Variants in CYB5R4 observed in about 807,000 individuals in gnomAD.
CYB5R4 encodes N-terminal cytochrome b5 and cytochrome b5 oxidoreductase domain-containing protein.
A neutral mutation model predicts 70.2 loss-of-function variants in CYB5R4; 55 were observed. The observed-to-expected ratio is 0.78, with a 90% confidence interval of 0.63 to 0.98. The LOEUF (loss-of-function observed/expected upper bound fraction) is 0.98. CYB5R4 is among the 50% of genes least tolerant of loss of function. CYB5R4 has a pLI of 0.00. For missense variants in CYB5R4, 562 were observed against 612.6 expected (o/e 0.92, Z 0.87); for synonymous variants, 197 against 199.5 (o/e 0.99, Z 0.11).
intron 14 of CYB5R4, among the ~76,000 whole-genome samples, chr6:83,951,332 A>G (rs2099471484): frequency 6.6e-6 from 1 of 152,198 alleles, no homozygotes; most frequent in South Asian, 2.1e-4. Context: ...CATGTGCAGA[A>G]CATACAGGTT....
intron 3 of CYB5R4, among the ~76,000 whole-genome samples, chr6:83,904,934 T>G (rs2099463532): frequency 6.6e-6 from 1 of 152,232 alleles, no homozygotes; most frequent in Non-Finnish European, 1.5e-5. Flanking sequence ...ATTATTGTGT[T>G]CCTTTGGAAG....
rs1562848323 is a variant in CYB5R4 at position 83,955,451 on chromosome 6, A to AC, written c.1501dup (p.Gln501ProfsTer8). On this transcript the variant is annotated frameshift_variant, in exon 15 of 16. Transcript: ENST00000369681. LOFTEE classifies it high-confidence loss of function. ...TTTGTGGACCAGTGCCATTTACAGA[A>AC]CAAGGAGTAAGGTGAGTAACAGTGT... 1 of 1,613,708 alleles carries AC rather than the reference A, an allele frequency of 6.2e-7. No individual in the cohort carries two copies. Among genetic ancestry groups the AC allele is most frequent in the Non-Finnish European group, 8.5e-7 (1 of 1,179,730 alleles).
chr6:83,886,281 C>T (rs1004994032), intron 2 of CYB5R4, among the ~76,000 whole-genome samples: 5 of 152,142 alleles, frequency 3.3e-5, no homozygotes, highest in Middle Eastern at 3.2e-3. Context: ...ATGACCCAAT[C>T]GCTTAAAGGC....
intron 4 of CYB5R4, 91 bp downstream of exon 4, chr6:83,909,181 C>T: frequency 2.0e-6 from 2 of 1,023,492 alleles, no homozygotes; most frequent in East Asian, 2.6e-5. Context: ...CTATACAAAT[C>T]ACTATGGTTT....
chr6:83,948,598 C>A (rs1474870306), intron 14 of CYB5R4, among the ~76,000 whole-genome samples: 1 of 152,000 alleles, frequency 6.6e-6, no homozygotes, highest in Non-Finnish European at 1.5e-5. Flanking sequence ...CTAAGGTATT[C>A]TTTTAGATAG....
At position 83,869,549 on chromosome 6, in the gene CYB5R4, C is replaced by T. The variant is rs1588558568; in HGVS notation, c.229+5221C>T. 2.6e-5 allele frequency among the ~76,000 whole-genome samples: 4 copies of T among 152,150 alleles called. No individual in the cohort carries two copies. In the South Asian group the frequency reaches 8.3e-4, roughly 32 times the overall value. On this transcript the variant is annotated intron_variant, in intron 2 of 15. Coordinates refer to ENST00000369681, the MANE Select transcript of CYB5R4 (RefSeq NM_016230.4). Reference sequence around the variant, plus strand: ...ATACTGTAAAAAAGTGTCTTTTTGACCAGGCACAGTGGCTCACGCCTGTGA... The same window carrying T: ...ATACTGTAAAAAAGTGTCTTTTTGATCAGGCACAGTGGCTCACGCCTGTGA...
intron 2 of CYB5R4, among the ~76,000 whole-genome samples, chr6:83,869,620 C>T (rs562295848): frequency 2.0e-5 from 3 of 152,100 alleles, no homozygotes; most frequent in East Asian, 1.9e-4. Flanking sequence ...CCTGAGGTCA[C>T]GAGTTCGAGA....
chr6:83,930,868 T>C (rs2099468038), intron 10 of CYB5R4, among the ~76,000 whole-genome samples: 1 of 152,164 alleles, frequency 6.6e-6, no homozygotes, highest in African/African-American at 2.4e-5. Context: ...GTCATGAAGA[T>C]GGCTTCTTTC....
chr6:83,943,562 C>T (rs1272440244), intron 14 of CYB5R4, among the ~76,000 whole-genome samples: 1 of 152,056 alleles, frequency 6.6e-6, no homozygotes, highest in Non-Finnish European at 1.5e-5. Flanking sequence ...CTCTTCTCCT[C>T]CAAAGGATCA....
At chr6:83,934,116 A>G (rs2099468557) in intron 10 of CYB5R4, among the ~76,000 whole-genome samples, 1 of 152,080 alleles carries the variant, frequency 6.6e-6, no homozygotes, top group Admixed American at 6.6e-5. Context: ...AGATTTTAGA[A>G]TGTACCGTGG....
At chr6:83,864,353 CA>C (rs2099456432) in intron 2 of CYB5R4, 25 bp downstream of exon 2, 1 of 1,586,264 alleles carries the variant, frequency 6.3e-7, no homozygotes, top group Non-Finnish European at 8.6e-7. Context: ...TTAAGTCCTT[CA>C]AAAAATGTTG....
rs2099473992 is a variant in CYB5R4, at chr6:83,966,014, C to T, written c.*6136C>T. On this transcript the variant is annotated 3_prime_UTR_variant, in exon 16 of 16. Transcript: ENST00000369681. ...GTCCAATTAAACCTCTTTTTCTTGG[C>T]TTAATTTCTTGGGTATGTCTTTATC... The T allele has an allele frequency of 6.6e-6, 1 of 152,214 alleles. No homozygotes were observed. Among genetic ancestry groups the T allele is most frequent in the Non-Finnish European group, 1.5e-5 (1 of 68,070 alleles). 9.4% of individuals were successfully genotyped at this position (152,214 alleles called of 1,614,324 possible). A position where few individuals can be genotyped will look rare whatever the true frequency, so the allele number is the denominator to read the frequency against.
chr6:83,896,976 T>C (rs1236890565), intron 3 of CYB5R4, among the ~76,000 whole-genome samples: 2 of 152,082 alleles, frequency 1.3e-5, no homozygotes, highest in African/African-American at 4.8e-5. Flanking sequence ...TTGTTACATA[T>C]GTATACGTGT....
Position 83,874,848 on chromosome 6 carries a change from G to A in CYB5R4, c.229+10520G>A, listed in dbSNP as rs201655147. Among the ~76,000 whole-genome samples, 13 of 150,292 alleles carry A rather than the reference G, an allele frequency of 8.6e-5. No homozygotes were observed. In the East Asian group the frequency reaches 2.3e-3, roughly 27 times the overall value. ...TTATTTTTATTTTTTTTTTTAGATA[G>A]AGTCTCACTCTGTCGCCAGGCTGGA... On this transcript the variant is annotated intron_variant, in intron 2 of 15. Transcript: ENST00000369681.
chr6:83,891,730 C>G (rs1381919304), intron 2 of CYB5R4, among the ~76,000 whole-genome samples: 3 of 152,136 alleles, frequency 2.0e-5, no homozygotes, highest in East Asian at 3.9e-4. Flanking sequence ...ATCCTAGCCC[C>G]TATCAGAAAG....
At chr6:83,870,870 C>T (rs774673760) in intron 2 of CYB5R4, among the ~76,000 whole-genome samples, 15 of 150,496 alleles carry the variant, frequency 1.0e-4, no homozygotes, top group Non-Finnish European at 2.1e-4. Context: ...TAGCTGAGGT[C>T]AAAGAAGGCA....
intron 10 of CYB5R4, among the ~76,000 whole-genome samples, chr6:83,931,664 T>TC (rs1408417252): frequency 5.3e-5 from 8 of 151,968 alleles, no homozygotes; most frequent in Non-Finnish European, 8.8e-5. Flanking sequence ...TTACTGTCTT[T>TC]ATTTTCAGTT....
chr6:83,874,702 T>C (rs1406331670), intron 2 of CYB5R4, among the ~76,000 whole-genome samples: 1 of 152,110 alleles, frequency 6.6e-6, no homozygotes, highest in Non-Finnish European at 1.5e-5. Flanking sequence ...ACTCTGACCC[T>C]CCCTGATCGC....
At chr6:83,930,561 C>G (rs1265951614) in intron 10 of CYB5R4, among the ~76,000 whole-genome samples, 1 of 152,136 alleles carries the variant, frequency 6.6e-6, no homozygotes, top group East Asian at 1.9e-4. Context: ...TCAGGCTCCA[C>G]TTCTAATTCT....
Sources: allele counts gnomAD v4.1 joint callset (sites outside exome capture counted in the v4.1 genomes callset), GRCh38; gene constraint gnomAD v4.1.1; transcripts MANE v1.5; gene names NCBI Gene and HGNC (gene_info 2026-07-23, HGNC 2026-07-21).